The following FGF14 variants were observed in gnomAD, a reference collection of about 807,000 sequenced individuals.
The protein encoded by FGF14 is fibroblast growth factor homologous factor 4.
In FGF14, 5 loss-of-function variants were observed where a neutral mutation model predicts 25.5. That is an observed-to-expected ratio of 0.20 (90% CI 0.10 to 0.41). FGF14 has a LOEUF of 0.41. FGF14 is among the 10% of genes least tolerant of loss of function. The pLI is 1.00. For synonymous variants in FGF14, 138 were observed against 118.3 expected (o/e 1.17, Z -1.08); for missense variants, 222 against 320.1 (o/e 0.69, Z 2.34).
chr13:102,161,614 A>G (rs1201969926), intron 1 of FGF14, among the ~76,000 whole-genome samples: 39 of 5,054 alleles, frequency 7.7e-3, no homozygotes, highest in Non-Finnish European at 0.012. Context: ...GAAGAAGAAG[A>G]AGAAGAAGAA....
At chr13:102,039,749 A>C (rs1321629986) in intron 1 of FGF14, among the ~76,000 whole-genome samples, 1 of 152,192 alleles carries the variant, frequency 6.6e-6, no homozygotes, top group East Asian at 1.9e-4. Flanking sequence ...GGACTTCAAT[A>C]TCTCTCTTTA....
intron 1 of FGF14, among the ~76,000 whole-genome samples, chr13:102,130,697 C>T (rs75981742): frequency 0.013 from 2,012 of 152,148 alleles, 46 homozygotes; most frequent in African/African-American, 0.046. Context: ...AGAGAGCGTA[C>T]AAGGGAAAGC....
chr13:102,029,021 T>C (rs1424244579), intron 1 of FGF14, among the ~76,000 whole-genome samples: 2 of 151,974 alleles, frequency 1.3e-5, no homozygotes, highest in East Asian at 1.9e-4. Flanking sequence ...CCACAGCTCA[T>C]CGGTACAGAA....
At chr13:101,975,485 C>A in intron 1 of FGF14, among the ~76,000 whole-genome samples, 1 of 152,138 alleles carries the variant, frequency 6.6e-6, no homozygotes, top group Non-Finnish European at 1.5e-5. Flanking sequence ...TCCAGGACAC[C>A]ATCCTCCTCT....
chr13:101,999,811 T>C (rs555789825), intron 1 of FGF14, among the ~76,000 whole-genome samples: 2 of 152,238 alleles, frequency 1.3e-5, no homozygotes, highest in South Asian at 4.1e-4. Context: ...GCCCTTATCT[T>C]CTGACTCTTG....
At chr13:101,829,169 G>GA (rs1290951761) in intron 3 of FGF14, among the ~76,000 whole-genome samples, 1 of 152,176 alleles carries the variant, frequency 6.6e-6, no homozygotes, top group East Asian at 1.9e-4. Flanking sequence ...AGTCTTTACA[G>GA]AAAGCATACA....
chr13:102,095,976 T>C (rs989286897), intron 1 of FGF14, among the ~76,000 whole-genome samples: 4 of 78,186 alleles, frequency 5.1e-5, no homozygotes, highest in African/African-American at 1.7e-4. Context: ...TTAAATACAA[T>C]TTGTGTGTGT....
At chr13:102,157,009 G>T (rs2047373991) in intron 1 of FGF14, among the ~76,000 whole-genome samples, 1 of 152,150 alleles carries the variant, frequency 6.6e-6, no homozygotes, top group African/African-American at 2.4e-5. Flanking sequence ...AATAAAAGAT[G>T]ACACAAACAA....
chr13:101,950,758 T>TG (rs1236712940), intron 1 of FGF14, among the ~76,000 whole-genome samples: 1 of 151,668 alleles, frequency 6.6e-6, no homozygotes, highest in East Asian at 1.9e-4. Flanking sequence ...CATGTTTTTT[T>TG]TTTTTTTTTT....
intron 1 of FGF14, among the ~76,000 whole-genome samples, chr13:102,024,562 C>T (rs191089607): frequency 1.6e-4 from 24 of 151,972 alleles, no homozygotes; most frequent in African/African-American, 5.1e-4. Context: ...TAATATGAAG[C>T]GTTTTTCACT....
At chr13:102,260,091 G>A (rs1396285137) in intron 1 of FGF14, among the ~76,000 whole-genome samples, 1 of 151,718 alleles carries the variant, frequency 6.6e-6, no homozygotes, top group African/African-American at 2.4e-5. Context: ...AGGAGTCAGA[G>A]AACAAGAAAA....
At chr13:101,722,992 G>A in intron 4 of FGF14, 25 bp from the exon 5 acceptor site, 1 of 1,612,976 alleles carries the variant, frequency 6.2e-7, no homozygotes, top group Non-Finnish European at 8.5e-7. Flanking sequence ...AAAGGAGGAG[G>A]AAAAGCAAAC....
At chr13:102,085,804 C>G (rs1240424275) in intron 1 of FGF14, among the ~76,000 whole-genome samples, 1 of 152,172 alleles carries the variant, frequency 6.6e-6, no homozygotes, top group Non-Finnish European at 1.5e-5. Flanking sequence ...CAAATTTTCT[C>G]AGTCCCTTAA....
chr13:102,220,269 T>C (rs1418843537), intron 1 of FGF14, among the ~76,000 whole-genome samples: 1 of 152,184 alleles, frequency 6.6e-6, no homozygotes, highest in Non-Finnish European at 1.5e-5. Context: ...AAATATGTGA[T>C]TATATTTTTC....
intron 3 of FGF14, among the ~76,000 whole-genome samples, chr13:101,766,064 C>T (rs529066582): frequency 3.7e-4 from 56 of 152,288 alleles, no homozygotes; most frequent in African/African-American, 1.3e-3. Flanking sequence ...ATGGAAATCA[C>T]ACTTCTCAAA....
intron 1 of FGF14, among the ~76,000 whole-genome samples, chr13:102,107,908 G>C (rs776591883): frequency 6.6e-6 from 1 of 152,150 alleles, no homozygotes; most frequent in African/African-American, 2.4e-5. Context: ...AATAGAGATA[G>C]TACGTTATGT....
At chr13:101,771,374 C>A (rs202226913) in intron 3 of FGF14, among the ~76,000 whole-genome samples, 9 of 120,498 alleles carry the variant, frequency 7.5e-5, no homozygotes, top group Non-Finnish European at 1.6e-4. Context: ...AATGCCCCCC[C>A]ACCCAAGTAT....
chr13:101,727,485 C>A (rs1204604702), intron 3 of FGF14, among the ~76,000 whole-genome samples: 1 of 152,088 alleles, frequency 6.6e-6, no homozygotes, highest in Admixed American at 6.6e-5. Flanking sequence ...GCTGCTCCAA[C>A]TGAAAAACCA....
intron 3 of FGF14, among the ~76,000 whole-genome samples, chr13:101,763,355 T>G (rs1210568722): frequency 6.6e-6 from 1 of 152,216 alleles, no homozygotes; most frequent in South Asian, 2.1e-4. Context: ...AATGTACCAC[T>G]GTCAATATGT....
Sources: gnomAD v4.1 joint callset for allele counts (sites outside exome capture counted in the v4.1 genomes callset) on GRCh38, gnomAD v4.1.1 for gene constraint, MANE v1.5 for transcripts, NCBI Gene and HGNC (gene_info 2026-07-23, HGNC 2026-07-21) for gene names.